Variants in MARF1 observed in about 807,000 individuals in gnomAD.
MARF1 encodes the protein meiosis regulator and mRNA stability factor 1.
A neutral mutation model predicts 168.2 loss-of-function variants in MARF1; 24 were observed. The observed-to-expected ratio is 0.14, with a 90% CI of 0.10 to 0.20. MARF1 has a LOEUF of 0.20. Among genes scored for constraint, MARF1 ranks in the 10% least tolerant of loss-of-function variants. The pLI is 1.00. For synonymous variants in MARF1, 868 were observed against 822.4 expected, an observed-to-expected ratio of 1.06 and a Z score of -0.95; for missense variants, 1,744 against 2,143.6, an observed-to-expected ratio of 0.81 and a Z score of 3.68.
chr16:15,639,303 G>A lies in MARF1; in HGVS notation c.-58-12C>T. 6.6e-7 allele frequency: 1 copy of A among 1,513,984 alleles called. No individual in the cohort carries two copies. The highest frequency in any genetic ancestry group is 8.9e-7 in the Non-Finnish European group (1 of 1,120,542). The allele number at this position is 1,513,984 out of a possible 1,614,324, so 93.8% of individuals were successfully genotyped here. On this transcript the variant is annotated splice_polypyrimidine_tract_variant and intron_variant, in intron 1 of 26. Transcript: ENST00000396368. ...TTCATTCTTCCACCCTGTTAAGAAT[G>A]AGTAAGATTTCAGTGTTATTTCCTT...
intron 15 of MARF1, 152 bp downstream of exon 15, chr16:15,616,899 TG>T: frequency 9.2e-7 from 1 of 1,084,976 alleles, no homozygotes; most frequent in Non-Finnish European, 1.3e-6. Context: ...TTTTGTTATG[TG>T]GTGCATGACT....
Position 15,611,125 on chromosome 16 carries a change from G to A in MARF1, c.3618-17C>T, listed in dbSNP as rs770948189. On this transcript the variant is annotated splice_polypyrimidine_tract_variant and intron_variant, in intron 18 of 26. Coordinates refer to ENST00000396368, the MANE Select transcript of MARF1 (RefSeq NM_014647.4). ...GAGAAACACCTAGGTTTTAACAACG[G>A]AAGTGGATACGGAATGAGTAGTATC... 4.3e-6 allele frequency: 7 copies of A among 1,612,738 alleles called. No individual in the cohort carries two copies. Among genetic ancestry groups the A allele is most frequent in the Non-Finnish European group, 5.9e-6 (7 of 1,179,014 alleles).
chr16:15,626,823 C>A (rs1716722379), intron 7 of MARF1, among the ~76,000 whole-genome samples: 1 of 151,670 alleles, frequency 6.6e-6, no homozygotes, highest in Non-Finnish European at 1.5e-5. Flanking sequence ...GTTAGCTGAG[C>A]AAAGTGGCAG....
intron 5 of MARF1, among the ~76,000 whole-genome samples, chr16:15,632,991 A>C (rs980337872): frequency 2.0e-5 from 3 of 152,172 alleles, no homozygotes; most frequent in Admixed American, 6.5e-5. Flanking sequence ...GAAATAATAC[A>C]TATATAACCA....
At chr16:15,598,638 A>G (rs2032022145) in intron 26 of MARF1, among the ~76,000 whole-genome samples, 1 of 151,922 alleles carries the variant, frequency 6.6e-6, no homozygotes, top group South Asian at 2.1e-4. Flanking sequence ...AGAGCTGCCA[A>G]ATCGCCCTTG....
chr16:15,633,747 C>T lies in MARF1; in HGVS notation c.1103G>A (p.Arg368Gln), dbSNP rs781410076. 5.6e-6 allele frequency: 9 copies of T among 1,614,004 alleles called. No individual in the cohort carries two copies. The highest frequency in any genetic ancestry group is 5.5e-5 in the South Asian group (5 of 91,048). The change falls in exon 5 of 27, where the codon CGG becomes CAG. Residue 368 changes from arginine (R) to glutamine (Q), a missense_variant. This residue lies in a region of MARF1 where 217 missense variants were observed against 372.4 expected (regional missense o/e 0.58). Coordinates refer to ENST00000396368, the MANE Select transcript of MARF1 (RefSeq NM_014647.4). ...DIENCSVPSGRSATAVVQRIR... is the reference protein window; with the variant it reads ...DIENCSVPSGQSATAVVQRIR... Reference sequence around the variant, plus strand: ...TCTTTGCACAACAGCAGTTGCTGACCGGCCAGAGGGAACGGAGCAGTTTTC... The same window carrying T: ...TCTTTGCACAACAGCAGTTGCTGACTGGCCAGAGGGAACGGAGCAGTTTTC...
chr16:15,632,874 G>A (rs2035339956), intron 5 of MARF1, among the ~76,000 whole-genome samples: 1 of 152,102 alleles, frequency 6.6e-6, no homozygotes, highest in Non-Finnish European at 1.5e-5. Context: ...TCCTGGCCAA[G>A]TGATCTTAAA....
Position 15,596,105 on chromosome 16 carries a change from A to G in MARF1, c.*588T>C, listed in dbSNP as rs2031652485. The G allele has an allele frequency of 6.5e-6, 1 of 152,700 alleles. No homozygotes were observed. Among genetic ancestry groups the G allele is most frequent in the Non-Finnish European group, 1.5e-5 (1 of 68,066 alleles). The allele number at this position is 152,700 out of a possible 1,614,324, so 9.5% of individuals were successfully genotyped here. The stretch of plus-strand genomic sequence containing the variant: ...TACAGACATAGTTTAAATAAAAAAC[A>G]AGGCACACTTACAAGTCACATGGAA... On this transcript the variant is annotated 3_prime_UTR_variant, in exon 27 of 27. Transcript: ENST00000396368.
rs745715579 is a variant in MARF1 at position 15,608,272 on chromosome 16, A to C, written c.4182+19T>G. The C allele has an allele frequency of 1.6e-5, 23 of 1,434,866 alleles. No homozygotes were observed. Among genetic ancestry groups the C allele is most frequent in the South Asian group, 5.3e-5 (4 of 75,118 alleles). 88.9% of individuals were successfully genotyped at this position (1,434,866 alleles called of 1,614,324 possible). A position where few individuals can be genotyped will look rare whatever the true frequency, so the allele number is the denominator to read the frequency against. ...TTATCCCATGAGGGAAAAAAAAAAA[A>C]AAAAAAAAAAACATTTACCTTCACG... is the stretch of plus-strand genomic sequence containing the variant. On this transcript the variant is annotated intron_variant, in intron 21 of 26. Transcript: ENST00000396368.
intron 16 of MARF1, among the ~76,000 whole-genome samples, chr16:15,613,906 G>A (rs1303025640): frequency 1.3e-5 from 2 of 152,180 alleles, no homozygotes; most frequent in East Asian, 3.9e-4. Flanking sequence ...GGTAAGGGAG[G>A]TGGGAGAAGC....
At chr16:15,601,894 G>T in intron 23 of MARF1, 97 bp downstream of exon 23, 1 of 978,064 alleles carries the variant, frequency 1.0e-6, no homozygotes, top group Non-Finnish European at 1.6e-6. Context: ...AATGCCTGCC[G>T]TTCCATTATT....
chr16:15,596,577 A>G lies in MARF1; in HGVS notation c.*116T>C, dbSNP rs189211677. On this transcript the variant is annotated 3_prime_UTR_variant, in exon 27 of 27. Transcript: ENST00000396368. ...ACATGATAGAACACAGGTAAGATGA[A>G]GTCAATGGCTTCGGGGGGTTTTCAT... 1 of 1,041,010 alleles carries G rather than the reference A, an allele frequency of 9.6e-7. No homozygotes were observed. Among genetic ancestry groups the G allele is most frequent in the East Asian group, 2.6e-5 (1 of 38,390 alleles). The allele number at this position is 1,041,010 out of a possible 1,614,324, so 64.5% of individuals were successfully genotyped here. A position where few individuals can be genotyped will look rare whatever the true frequency, so the allele number is the denominator to read the frequency against.
chr16:15,601,306 C>G (rs900225589), intron 23 of MARF1: 3 of 354,896 alleles, frequency 8.5e-6, no homozygotes, highest in Non-Finnish European at 1.7e-5. Flanking sequence ...CTCCATCTAA[C>G]ACTGACCCAG....
intron 7 of MARF1, among the ~76,000 whole-genome samples, chr16:15,626,276 A>G (rs1034650212): frequency 2.0e-4 from 30 of 152,268 alleles, no homozygotes; most frequent in Non-Finnish European, 4.1e-4. Flanking sequence ...ATAAATTAGC[A>G]TAATAGATTT....
At position 15,625,484 on chromosome 16, in the gene MARF1, C is replaced by T. The variant is rs377235313; in HGVS notation, c.1841G>A (p.Cys614Tyr). The change falls in exon 8 of 27, where the codon TGC becomes TAC. Residue 614 changes from cysteine (C) to tyrosine (Y), a missense_variant. Cys to Tyr is a radical substitution (Grantham distance 194). Transcript: ENST00000396368. ...TTGTTCACTTGCATCTTTGATGAGG[C>T]ACAATTTTGGATTCTTAAGTTTTTT... is the stretch of plus-strand genomic sequence containing the variant. ...SPKKLKNPKL[C>Y]LIKDASEQSS... The T allele has an allele frequency of 9.3e-6, 15 of 1,614,172 alleles. No homozygotes were observed. The highest frequency in any genetic ancestry group is 5.0e-5 in the Admixed American group (3 of 60,028).
rs2033691428 is a variant in MARF1, at chr16:15,612,866, T to A, written c.3254-89A>T. The A allele has an allele frequency of 3.6e-6, 4 of 1,100,830 alleles. No homozygotes were observed. The Admixed American group carries it at 7.2e-5, about 20-fold the overall frequency. The allele number at this position is 1,100,830 out of a possible 1,614,324, so 68.2% of individuals were successfully genotyped here. A position where few individuals can be genotyped will look rare whatever the true frequency, so the allele number is the denominator to read the frequency against. ...ATGGCCCTGCAGTCCCTGGCTTGAG[T>A]TCGATCATGGGGAAGCAAACAAAAC... On this transcript the variant is annotated intron_variant, in intron 16 of 26. Coordinates refer to ENST00000396368, the MANE Select transcript of MARF1 (RefSeq NM_014647.4).
In MARF1 at chr16:15,643,071, G is replaced by T; in HGVS notation, c.-112C>A. ...ATTCCGGCCCCGCCGCCTTCCCCCC[G>T]CCCCCCCCAGGCCCTTTGTTTTGAT... On this transcript the variant is annotated 5_prime_UTR_variant, in exon 1 of 27. Coordinates refer to ENST00000396368, the MANE Select transcript of MARF1 (RefSeq NM_014647.4). 2.4e-5 allele frequency: 2 copies of T among 82,388 alleles called. No homozygotes were observed. Among genetic ancestry groups the T allele is most frequent in the Non-Finnish European group, 4.7e-5 (2 of 42,428 alleles). The allele number at this position is 82,388 out of a possible 1,614,324, so 5.1% of individuals were successfully genotyped here. A position where few individuals can be genotyped will look rare whatever the true frequency, so the allele number is the denominator to read the frequency against.
intron 1 of MARF1, among the ~76,000 whole-genome samples, chr16:15,641,840 C>T (rs998389850): frequency 2.6e-5 from 4 of 152,180 alleles, no homozygotes; most frequent in Non-Finnish European, 4.4e-5. Flanking sequence ...TTTCAGGTGC[C>T]TGCACCCTGA....
chr16:15,624,908 G>C lies in MARF1; in HGVS notation c.2131C>G (p.Arg711Gly). 1 of 1,614,018 alleles carries C rather than the reference G, an allele frequency of 6.2e-7. No individual in the cohort carries two copies. Among genetic ancestry groups the C allele is most frequent in the Non-Finnish European group, 8.5e-7 (1 of 1,179,996 alleles). The change falls in exon 10 of 27, where the codon CGA becomes GGA. Residue 711 changes from arginine to glycine, a missense_variant. Coordinates refer to ENST00000396368, the MANE Select transcript of MARF1 (RefSeq NM_014647.4). ...TCTACAGGAGAACTGGTAACACTTC[G>C]GGCACTGAGGTTCTCCTTTCTAACA... ...TSQKKENLSA[R>G]SVTSSPVEKK...
Sources: gnomAD v4.1 joint callset for allele counts (sites outside exome capture counted in the v4.1 genomes callset) on GRCh38, gnomAD v4.1.1 for gene constraint, gnomAD v4.1.1 regional missense constraint, MANE v1.5 for transcripts, NCBI Gene and HGNC (gene_info 2026-07-23, HGNC 2026-07-21) for gene names.